The following KCNH8 variants were observed in gnomAD, a reference collection of about 807,000 sequenced individuals.
KCNH8 encodes potassium voltage-gated channel subfamily H member 8.
In KCNH8, 70 loss-of-function variants were observed where a neutral mutation model predicts 103.6. The ratio of observed to expected loss-of-function variants is 0.68; its 90% confidence interval spans 0.56 to 0.82. The LOEUF is 0.82. KCNH8 is among the 40% of genes least tolerant of loss of function. KCNH8 has a pLI of 0.00. For synonymous variants in KCNH8, 498 were observed against 489.4 expected, an observed-to-expected ratio of 1.02 and a Z score of -0.23; for missense variants, 1,217 against 1,329.9, an observed-to-expected ratio of 0.92 and a Z score of 1.32.
chr3:19,517,475 GAGA>G (rs2068894008), intron 14 of KCNH8, among the ~76,000 whole-genome samples: 1 of 151,932 alleles, frequency 6.6e-6, no homozygotes. Context: ...AGAAAAAGTG[GAGA>G]AGAAGAACTA....
At chr3:19,163,319 T>G (rs180975563) in intron 1 of KCNH8, among the ~76,000 whole-genome samples, 293 of 150,606 alleles carry the variant, frequency 1.9e-3, no homozygotes, top group African/African-American at 6.5e-3. Context: ...TTTTACTTTT[T>G]AAAATAGTTT....
intron 14 of KCNH8, among the ~76,000 whole-genome samples, chr3:19,515,837 A>T (rs1188518896): frequency 6.6e-6 from 1 of 152,080 alleles, no homozygotes; most frequent in Non-Finnish European, 1.5e-5. Context: ...GAGGTTATAT[A>T]CTTGAAGTTT....
At chr3:19,483,690 A>G (rs945076281) in intron 11 of KCNH8, among the ~76,000 whole-genome samples, 5 of 152,194 alleles carry the variant, frequency 3.3e-5, no homozygotes, top group Admixed American at 3.3e-4. Flanking sequence ...AAAGTTTAAA[A>G]CACTGGCTCA....
In KCNH8 at chr3:19,346,351, G is replaced by A. The variant is rs146407225; in HGVS notation, c.571-1374G>A. The stretch of plus-strand genomic sequence containing the variant: ...TCTTGAAACCAGAGAATGAGACAAA[G>A]GAGACAGGACAAATATGAGGGAATT... On this transcript the variant is annotated intron_variant, in intron 4 of 15. Transcript: ENST00000328405. Among the ~76,000 whole-genome samples the A allele has an allele frequency of 2.6e-3, 399 of 152,166 alleles. 2 individuals carry two copies. Among genetic ancestry groups the A allele is most frequent in the Middle Eastern group, 6.8e-3 (2 of 294 alleles).
At chr3:19,167,981 C>T (rs2063301854) in intron 1 of KCNH8, among the ~76,000 whole-genome samples, 1 of 151,170 alleles carries the variant, frequency 6.6e-6, no homozygotes. Context: ...TCACAAGAAT[C>T]CCTCATGCCA....
At chr3:19,394,586 C>T (rs2066487071) in intron 6 of KCNH8, among the ~76,000 whole-genome samples, 1 of 151,974 alleles carries the variant, frequency 6.6e-6, no homozygotes, top group African/African-American at 2.4e-5. Flanking sequence ...GCTACTGGTA[C>T]TTGTGGGCAG....
At chr3:19,487,951 G>A (rs995872501) in intron 11 of KCNH8, among the ~76,000 whole-genome samples, 19 of 152,118 alleles carry the variant, frequency 1.2e-4, no homozygotes, top group Non-Finnish European at 2.4e-4. Flanking sequence ...TGGTTTTCTC[G>A]GGTAAGGGGG....
At chr3:19,447,856 A>G (rs1191717717) in intron 8 of KCNH8, among the ~76,000 whole-genome samples, 1 of 152,040 alleles carries the variant, frequency 6.6e-6, no homozygotes, top group African/African-American at 2.4e-5. Flanking sequence ...TTTTCGTGGA[A>G]TATTTTTGAC....
At chr3:19,324,238 A>G (rs1254937600) in intron 3 of KCNH8, among the ~76,000 whole-genome samples, 1 of 152,106 alleles carries the variant, frequency 6.6e-6, no homozygotes, top group Non-Finnish European at 1.5e-5. Context: ...AGACTGGGCA[A>G]TTTATAAAGG....
chr3:19,374,729 G>C (rs906265350), intron 5 of KCNH8, among the ~76,000 whole-genome samples: 1 of 152,054 alleles, frequency 6.6e-6, no homozygotes, highest in African/African-American at 2.4e-5. Flanking sequence ...GCATGATTTT[G>C]CAGTGGCTGG....
intron 7 of KCNH8, among the ~76,000 whole-genome samples, chr3:19,421,262 T>C (rs1348171108): frequency 2.0e-5 from 3 of 152,186 alleles, no homozygotes; most frequent in Non-Finnish European, 1.5e-5. Context: ...AAAAAATCTT[T>C]GTTTGACCAA....
chr3:19,533,736 T>C lies in KCNH8; in HGVS notation c.2961T>C (p.His987=), dbSNP rs752814031. Reference sequence around the variant, plus strand: ...ATCCTGCAGACAGTGAACTTTATCATTCTCCAAGCCTTGATTATTCACCTT... The same window carrying C: ...ATCCTGCAGACAGTGAACTTTATCACTCTCCAAGCCTTGATTATTCACCTT... ...EQNPADSELY[H]SPSLDYSPSH... The change falls in exon 16 of 16, where the codon CAT becomes CAC. Residue 987 remains histidine (H), a synonymous_variant. Coordinates refer to ENST00000328405, the MANE Select transcript of KCNH8 (RefSeq NM_144633.3). The C allele has an allele frequency of 1.2e-6, 2 of 1,614,186 alleles. No individual in the cohort carries two copies. The highest frequency in any genetic ancestry group is 1.7e-6 in the Non-Finnish European group (2 of 1,180,014).
At chr3:19,185,708 T>C (rs1304883375) in intron 1 of KCNH8, among the ~76,000 whole-genome samples, 1 of 151,972 alleles carries the variant, frequency 6.6e-6, no homozygotes, top group Non-Finnish European at 1.5e-5. Context: ...ATGCTTATGC[T>C]CCTATGATTT....
intron 7 of KCNH8, among the ~76,000 whole-genome samples, chr3:19,436,044 C>A (rs10510487): frequency 6.6e-6 from 1 of 151,920 alleles, no homozygotes; most frequent in African/African-American, 2.4e-5. Flanking sequence ...ACTATGCAAT[C>A]GAAAAATACA....
chr3:19,486,696 G>A (rs879535307), intron 11 of KCNH8, among the ~76,000 whole-genome samples: 1 of 152,204 alleles, frequency 6.6e-6, no homozygotes, highest in Admixed American at 6.5e-5. Flanking sequence ...CTCTTGTAGA[G>A]GCTCCCATTT....
intron 3 of KCNH8, among the ~76,000 whole-genome samples, chr3:19,284,425 C>T (rs1467970235): frequency 2.0e-5 from 3 of 151,122 alleles, no homozygotes; most frequent in Non-Finnish European, 4.4e-5. Context: ...GGCCTTTTAT[C>T]GATGGACAGC....
At chr3:19,198,668 A>T (rs2063626202) in intron 1 of KCNH8, among the ~76,000 whole-genome samples, 1 of 152,030 alleles carries the variant, frequency 6.6e-6, no homozygotes, top group Admixed American at 6.6e-5. Flanking sequence ...TCCTTACCCC[A>T]AGAACAAAAA....
Position 19,513,215 on chromosome 3 carries a change from C to A in KCNH8, c.2325C>A (p.Pro775=). 1.9e-6 allele frequency: 3 copies of A among 1,613,888 alleles called. No individual in the cohort carries two copies. The highest frequency in any genetic ancestry group is 1.7e-4 in the Middle Eastern group (1 of 6,060). ...TCAGAGTCTCCAGGTCAAATTCCCC[C>A]AAAACCAAGCAGGAAATTGACCCCC... ...SPIRVSRSNS[P]KTKQEIDPPN... is the part of the protein sequence containing the mutation. Residue 775 remains proline (P), a synonymous_variant, in exon 13 of 16, where the codon CCC becomes CCA. Transcript: ENST00000328405.
intron 15 of KCNH8, among the ~76,000 whole-genome samples, chr3:19,520,563 A>G (rs944016104): frequency 6.6e-6 from 1 of 151,972 alleles, no homozygotes; most frequent in South Asian, 2.1e-4. Flanking sequence ...ATAGAAAAAA[A>G]ACTTTTTAAA....
Sources: gnomAD v4.1 joint callset for allele counts (sites outside exome capture counted in the v4.1 genomes callset) on GRCh38, gnomAD v4.1.1 for gene constraint, MANE v1.5 for transcripts, NCBI Gene and HGNC (gene_info 2026-07-23, HGNC 2026-07-21) for gene names.